ROBO1: variants seen among roughly 807,000 people sequenced by gnomAD.
ROBO1 encodes the protein roundabout homolog 1.
ROBO1 carries 149 observed loss-of-function variants against 195.9 expected under a neutral mutation model. The ratio of observed to expected loss-of-function variants is 0.76; its 90% confidence interval spans 0.67 to 0.87. ROBO1 has a LOEUF of 0.87. Among genes scored for constraint, ROBO1 ranks in the 40% least tolerant of loss-of-function variants. The pLI, the probability that ROBO1 is intolerant of heterozygous loss-of-function variation, is 0.00. For missense variants in ROBO1, 1,933 were observed against 2,068.3 expected (o/e 0.93, Z 1.27); for synonymous variants, 816 against 733.2 (o/e 1.11, Z -1.82).
intron 4 of ROBO1, among the ~76,000 whole-genome samples, chr3:78,862,546 C>T (rs1320582289): frequency 6.6e-6 from 1 of 152,016 alleles, no homozygotes; most frequent in African/African-American, 2.4e-5. Context: ...AAATTTGTGG[C>T]AATTTGTGAA....
At chr3:78,626,725 A>G (rs566054944) in intron 26 of ROBO1, among the ~76,000 whole-genome samples, 1 of 149,778 alleles carries the variant, frequency 6.7e-6, no homozygotes, top group South Asian at 2.1e-4. Flanking sequence ...ACATAGGTTT[A>G]AAAAAGTCTA....
intron 11 of ROBO1, 46 bp downstream of exon 11, chr3:78,670,050 A>G (rs776764735): frequency 6.7e-7 from 1 of 1,489,454 alleles, no homozygotes; most frequent in East Asian, 2.3e-5. Context: ...GGAGGCAGAA[A>G]CAAAGTGAAA....
chr3:79,534,846 C>T (rs964517484), intron 2 of ROBO1, among the ~76,000 whole-genome samples: 2 of 152,124 alleles, frequency 1.3e-5, no homozygotes, highest in Non-Finnish European at 2.9e-5. Flanking sequence ...CCCCTTGAAC[C>T]TCTATCCAGG....
intron 10 of ROBO1, among the ~76,000 whole-genome samples, chr3:78,677,640 T>C (rs1708520065): frequency 6.6e-6 from 1 of 151,634 alleles, no homozygotes; most frequent in African/African-American, 2.4e-5. Flanking sequence ...TAAATATATA[T>C]GCACCCAATA....
At chr3:79,212,561 C>A (rs539895410) in intron 2 of ROBO1, among the ~76,000 whole-genome samples, 3 of 152,006 alleles carry the variant, frequency 2.0e-5, no homozygotes, top group Admixed American at 1.3e-4. Flanking sequence ...GTGGCTACAC[C>A]TACAATCCCA....
intron 4 of ROBO1, among the ~76,000 whole-genome samples, chr3:78,826,616 A>G (rs530641764): frequency 3.1e-4 from 47 of 152,312 alleles, no homozygotes; most frequent in African/African-American, 1.1e-3. Flanking sequence ...GCTATTTAGA[A>G]TCTATGCTTC....
chr3:79,641,535 C>A (rs2106669730), intron 1 of ROBO1, among the ~76,000 whole-genome samples: 2 of 151,310 alleles, frequency 1.3e-5, no homozygotes, highest in South Asian at 2.1e-4. Flanking sequence ...TACCCTAAAA[C>A]TTAAAGTATA....
intron 4 of ROBO1, among the ~76,000 whole-genome samples, chr3:78,821,316 C>T (rs1445826573): frequency 6.6e-6 from 1 of 151,882 alleles, no homozygotes; most frequent in Non-Finnish European, 1.5e-5. Flanking sequence ...CAGGTGTGTA[C>T]CACCACGCCC....
intron 2 of ROBO1, among the ~76,000 whole-genome samples, chr3:79,243,126 T>C (rs2082553737): frequency 6.6e-6 from 1 of 151,902 alleles, no homozygotes; most frequent in African/African-American, 2.4e-5. Flanking sequence ...GAATGATGGT[T>C]TCCAGCTTCA....
intron 2 of ROBO1, among the ~76,000 whole-genome samples, chr3:79,375,367 G>A (rs187620966): frequency 5.3e-4 from 81 of 152,230 alleles, no homozygotes; most frequent in Middle Eastern, 3.4e-3. Flanking sequence ...CCAAGGGGAC[G>A]GATGGAAATT....
At chr3:78,682,913 A>G (rs2080961086) in intron 10 of ROBO1, among the ~76,000 whole-genome samples, 1 of 151,776 alleles carries the variant, frequency 6.6e-6, no homozygotes. Flanking sequence ...TGAAATTTTT[A>G]TGTACAAAAT....
At chr3:79,677,781 T>C (rs1364968967) in intron 1 of ROBO1, among the ~76,000 whole-genome samples, 1 of 152,100 alleles carries the variant, frequency 6.6e-6, no homozygotes, top group Non-Finnish European at 1.5e-5. Context: ...GCCAACAAAT[T>C]GTGTGATCCT....
At chr3:79,304,517 C>T (rs192341452) in intron 2 of ROBO1, among the ~76,000 whole-genome samples, 15 of 152,196 alleles carry the variant, frequency 9.9e-5, no homozygotes, top group Middle Eastern at 3.4e-3. Context: ...TTATTTTTCC[C>T]GTCTTTCACT....
rs117133416 is a variant in ROBO1, at chr3:79,127,859, G to A, written c.89-2320C>T. On this transcript the variant is annotated intron_variant, in intron 2 of 30. Transcript: ENST00000464233. ...CTGGCCCCTTCTTAGGCTCAGGAAA[G>A]AATAGATCTTTGCATTAATCAATGA... is the stretch of plus-strand genomic sequence containing the variant. Among the ~76,000 whole-genome samples, 161 of 152,260 alleles carry A rather than the reference G, an allele frequency of 1.1e-3. 2 individuals carry two copies. In the East Asian group the frequency reaches 0.028, roughly 26 times the overall value.
rs1262558726 is a variant in ROBO1 at position 79,214,826 on chromosome 3, A to ATATATAT, written c.89-89288_89-89287insATATATA. Among the ~76,000 whole-genome samples, 24 of 129,134 alleles carry ATATATAT rather than the reference A, an allele frequency of 1.9e-4. No individual in the cohort carries two copies. The South Asian group carries it at 2.6e-3, about 14-fold the overall frequency. 84.7% of individuals were successfully genotyped at this position (129,134 alleles called of 152,430 possible). On this transcript the variant is annotated intron_variant, in intron 2 of 30. Coordinates refer to ENST00000464233, the MANE Select transcript of ROBO1 (RefSeq NM_002941.4). ...CAAAACTGCAAATATATATATATAT[A>ATATATAT]TTTTTTTTTTTTTTGAGGTACAGTT...
At chr3:79,560,053 CAAAT>C (rs1215465928) in intron 2 of ROBO1, among the ~76,000 whole-genome samples, 2 of 152,024 alleles carry the variant, frequency 1.3e-5, no homozygotes, top group Admixed American at 1.3e-4. Flanking sequence ...TCAGCAATGG[CAAAT>C]AGTTTTTAAT....
chr3:79,099,087 C>A (rs62259668), intron 3 of ROBO1, among the ~76,000 whole-genome samples: 13,296 of 151,656 alleles, frequency 0.088, 847 homozygotes, highest in East Asian at 0.19. Flanking sequence ...TTCTTGTTTT[C>A]TCTTCTAAGC....
chr3:79,023,901 G>A (rs865968722), intron 3 of ROBO1, among the ~76,000 whole-genome samples: 6 of 150,012 alleles, frequency 4.0e-5, no homozygotes, highest in East Asian at 2.0e-4. Flanking sequence ...TAGTAGAGAC[G>A]GGGTTTCACT....
intron 5 of ROBO1, among the ~76,000 whole-genome samples, chr3:78,725,307 G>C (rs2082136604): frequency 6.6e-6 from 1 of 152,124 alleles, no homozygotes; most frequent in Non-Finnish European, 1.5e-5. Flanking sequence ...GAGAGGAAAA[G>C]AAGATAAAGA....
Sources: allele counts gnomAD v4.1 joint callset (sites outside exome capture counted in the v4.1 genomes callset), GRCh38; gene constraint gnomAD v4.1.1; transcripts MANE v1.5; gene names NCBI Gene and HGNC (gene_info 2026-07-23, HGNC 2026-07-21).